Variants in VCAN observed in about 807,000 individuals in gnomAD.
The protein encoded by VCAN is versican core protein.
In VCAN, 44 loss-of-function variants were observed where a neutral mutation model predicts 245.5. The observed-to-expected ratio is 0.18, with a 90% CI of 0.14 to 0.23. The LOEUF (loss-of-function observed/expected upper bound fraction) is 0.23. VCAN is among the 10% of genes least tolerant of loss of function. VCAN has a pLI of 1.00. For missense variants in VCAN, 3,793 were observed against 4,057.9 expected (o/e 0.93, Z 1.77); for synonymous variants, 1,413 against 1,437.0 (o/e 0.98, Z 0.38).
At chr5:83,536,039 C>G (rs1188510821) in intron 7 of VCAN, 3 of 152,098 alleles carry the variant, frequency 2.0e-5, no homozygotes, top group Non-Finnish European at 4.4e-5. Context: ...AGACAAGGAG[C>G]TTTGCTGATG....
At chr5:83,528,798 G>T (rs1225492164) in intron 7 of VCAN, among the ~76,000 whole-genome samples, 1 of 152,118 alleles carries the variant, frequency 6.6e-6, no homozygotes, top group African/African-American at 2.4e-5. Flanking sequence ...TAGGATTATA[G>T]AGCAGGTGCT....
rs779908463 is a variant in VCAN, at chr5:83,539,555, T to C, written c.6552T>C (p.Asp2184=). 8 of 1,614,072 alleles carry C rather than the reference T, an allele frequency of 5.0e-6. No individual in the cohort carries two copies. In the African/African-American group the frequency reaches 5.3e-5, roughly 11 times the overall value. Residue 2184 remains aspartate (D), a synonymous_variant, in exon 8 of 15, where the codon GAT becomes GAC. Coordinates refer to ENST00000265077, the MANE Select transcript of VCAN (RefSeq NM_004385.5). The part of the protein sequence containing the change: ...DTSLVNMSTP[D]PDANGLESYT... Reference sequence around the variant, plus strand: ...CTTTAGTTAACATGTCTACTCCAGATCCAGATGCAAATGGCTTGGAATCTT... The same window carrying C: ...CTTTAGTTAACATGTCTACTCCAGACCCAGATGCAAATGGCTTGGAATCTT...
chr5:83,483,623 A>G, intron 2 of VCAN, 35 bp downstream of exon 2: 1 of 1,588,386 alleles, frequency 6.3e-7, no homozygotes, highest in Non-Finnish European at 8.6e-7. Context: ...GTGTTAATTG[A>G]AATAAAAATG....
intron 5 of VCAN, among the ~76,000 whole-genome samples, chr5:83,497,872 G>T (rs960325484): frequency 3.9e-5 from 6 of 152,072 alleles, no homozygotes; most frequent in Admixed American, 2.6e-4. Flanking sequence ...TCTTTTTTAG[G>T]CATTTAATTT....
intron 6 of VCAN, among the ~76,000 whole-genome samples, chr5:83,518,024 A>G (rs1161439456): frequency 3.3e-5 from 5 of 152,092 alleles, no homozygotes; most frequent in African/African-American, 2.4e-5. Context: ...TTGTTTTTTG[A>G]GGGCTCCTGT....
chr5:83,578,889 G>A (rs1244557495), intron 13 of VCAN, among the ~76,000 whole-genome samples: 1 of 152,028 alleles, frequency 6.6e-6, no homozygotes, highest in Admixed American at 6.6e-5. Flanking sequence ...TTTAAAATAA[G>A]TGTGCTAATG....
Position 83,493,667 on chromosome 5 carries a change from T to C in VCAN, c.567T>C (p.Tyr189=), listed in dbSNP as rs1745056184. Residue 189 remains tyrosine (Y), a synonymous_variant, in exon 4 of 15, where the codon TAT becomes TAC. Coordinates refer to ENST00000265077, the MANE Select transcript of VCAN (RefSeq NM_004385.5). ...CTCCAGAGCAGCTCTTTGCTGCCTA[T>C]GAAGATGGATTTGAGCAGTGTGACG... ...IATPEQLFAA[Y]EDGFEQCDAG... 1 of 1,614,032 alleles carries C rather than the reference T, an allele frequency of 6.2e-7. No homozygotes were observed. The highest frequency in any genetic ancestry group is 1.7e-5 in the Admixed American group (1 of 59,998).
chr5:83,539,946 G>C lies in VCAN; in HGVS notation c.6943G>C (p.Val2315Leu), dbSNP rs3734094. 918 of 1,614,082 alleles carry C rather than the reference G, an allele frequency of 5.7e-4. 27 individuals carry two copies. The East Asian group carries it at 0.02, about 36-fold the overall frequency. ...TGTGGCAAAAGAAGTTGGACCACTC[G>C]TATCTCAAACAGACATCTTTGAAGG... is the stretch of plus-strand genomic sequence containing the variant. ...ENVAKEVGPL[V>L]SQTDIFEGSG... Residue 2315 changes from valine to leucine, a missense_variant, in exon 8 of 15, where the codon GTA becomes CTA. This residue lies in a region of VCAN where 3,182 missense variants were observed against 3,250.3 expected (regional missense o/e 0.98). Coordinates refer to ENST00000265077, the MANE Select transcript of VCAN (RefSeq NM_004385.5).
chr5:83,495,336 G>GCT (rs1490685284), intron 5 of VCAN, among the ~76,000 whole-genome samples: 1 of 152,162 alleles, frequency 6.6e-6, no homozygotes, highest in East Asian at 1.9e-4. Flanking sequence ...CGGAAGGCCT[G>GCT]CTTTCAAAAA....
chr5:83,568,705 G>A (rs146950503), intron 12 of VCAN, among the ~76,000 whole-genome samples: 4 of 152,228 alleles, frequency 2.6e-5, no homozygotes, highest in African/African-American at 9.6e-5. Context: ...TGTATTTTTT[G>A]TGAGAAATGC....
At position 83,572,399 on chromosome 5, in the gene VCAN, T is replaced by C. The variant is rs1375732160; in HGVS notation, c.9736-17T>C. On this transcript the variant is annotated splice_polypyrimidine_tract_variant and intron_variant, in intron 12 of 14. Transcript: ENST00000265077. Reference sequence around the variant, plus strand: ...TTTTGACTAGCAAGTAGTTACCTTCTCCCTCCATTTTTACAGCAATACGAG... The same window carrying C: ...TTTTGACTAGCAAGTAGTTACCTTCCCCCTCCATTTTTACAGCAATACGAG... 6.2e-7 allele frequency: 1 copy of C among 1,613,812 alleles called. No homozygotes were observed. The highest frequency in any genetic ancestry group is 8.5e-7 in the Non-Finnish European group (1 of 1,179,796).
chr5:83,484,683 C>A (rs940773294), intron 2 of VCAN, among the ~76,000 whole-genome samples: 2 of 152,144 alleles, frequency 1.3e-5, no homozygotes, highest in African/African-American at 4.8e-5. Flanking sequence ...TCATAACTGG[C>A]CTATCGTTCT....
intron 12 of VCAN, among the ~76,000 whole-genome samples, chr5:83,560,804 C>G (rs16876499): frequency 0.03 from 4,627 of 152,148 alleles, 74 homozygotes; most frequent in Middle Eastern, 0.068. Flanking sequence ...AAGATTCTCA[C>G]GAGGCGATTC....
intron 12 of VCAN, among the ~76,000 whole-genome samples, chr5:83,566,668 T>C (rs1232153470): frequency 6.6e-6 from 1 of 152,158 alleles, no homozygotes; most frequent in Non-Finnish European, 1.5e-5. Flanking sequence ...CCAACCATTC[T>C]GAGTGAGAAA....
At chr5:83,560,310 G>A (rs893280316) in intron 12 of VCAN, among the ~76,000 whole-genome samples, 4 of 151,966 alleles carry the variant, frequency 2.6e-5, no homozygotes, top group Non-Finnish European at 5.9e-5. Flanking sequence ...CACATATTCC[G>A]TAGGTATACT....
chr5:83,531,493 A>T (rs1348050276), intron 7 of VCAN: 2 of 152,134 alleles, frequency 1.3e-5, no homozygotes, highest in Non-Finnish European at 2.9e-5. Flanking sequence ...CATTTTCACT[A>T]TGCTGCACTT....
In VCAN at chr5:83,545,729, T is replaced by G. The variant is rs1339824814; in HGVS notation, c.9379+79T>G. 1.1e-5 allele frequency: 13 copies of G among 1,143,158 alleles called. No individual in the cohort carries two copies. In the East Asian group the frequency reaches 2.8e-4, roughly 25 times the overall value. The allele number at this position is 1,143,158 out of a possible 1,614,324, so 70.8% of individuals were successfully genotyped here. On this transcript the variant is annotated intron_variant, in intron 9 of 14. Transcript: ENST00000265077. ...GGGAGAATTTATGTTGTCGAATCAA[T>G]CAGAGATTTCAAAGAAACCCATATG...
intron 4 of VCAN, 30 bp from the exon 5 acceptor site, chr5:83,493,774 G>A: frequency 3.7e-6 from 6 of 1,614,084 alleles, no homozygotes; most frequent in Non-Finnish European, 5.1e-6. Flanking sequence ...TGAGAAGAAA[G>A]TGCCACTAAC....
chr5:83,563,114 G>A (rs17205965), intron 12 of VCAN, among the ~76,000 whole-genome samples: 2,384 of 152,294 alleles, frequency 0.016, 24 homozygotes, highest in Middle Eastern at 0.051. Flanking sequence ...ATAGGGTAGT[G>A]ACACCAAAAC....
Sources: allele counts gnomAD v4.1 joint callset (sites outside exome capture counted in the v4.1 genomes callset), GRCh38; gene constraint gnomAD v4.1.1; regional missense constraint gnomAD v4.1.1; transcripts MANE v1.5; gene names NCBI Gene and HGNC (gene_info 2026-07-23, HGNC 2026-07-21).